Variants in GLIS3 observed in about 807,000 individuals in gnomAD.
The protein encoded by GLIS3 is GLIS family zinc finger 3.
GLIS3 carries 53 observed loss-of-function variants against 78.6 expected under a neutral mutation model. That is an observed-to-expected ratio of 0.67 (90% confidence interval 0.54 to 0.85). The LOEUF (loss-of-function observed/expected upper bound fraction) is 0.85, where lower values mean the gene tolerates loss of function less well. Among genes scored for constraint, GLIS3 ranks in the 40% least tolerant of loss-of-function variants. The pLI is 0.00. For missense variants in GLIS3, 1,703 were observed against 1,231.1 expected, an observed-to-expected ratio of 1.38 and a Z score of -5.74; for synonymous variants, 684 against 509.9, an observed-to-expected ratio of 1.34 and a Z score of -4.60.
At chr9:3,841,793 A>T (rs1006524978) in intron 9 of GLIS3, among the ~76,000 whole-genome samples, 8 of 152,200 alleles carry the variant, frequency 5.3e-5, no homozygotes, top group African/African-American at 1.9e-4. Context: ...AATAAACACG[A>T]AAGTATTTTG....
chr9:4,073,180 G>C (rs994865256), intron 4 of GLIS3, among the ~76,000 whole-genome samples: 2 of 152,260 alleles, frequency 1.3e-5, no homozygotes, highest in African/African-American at 4.8e-5. Context: ...GTATAGTAGA[G>C]ACAGAGATAC....
chr9:4,188,206 AG>A (rs1817988385), intron 2 of GLIS3, among the ~76,000 whole-genome samples: 1 of 151,646 alleles, frequency 6.6e-6, no homozygotes, highest in Non-Finnish European at 1.5e-5. Flanking sequence ...TTTAGCATGA[AG>A]GGTTGTTGAA....
chr9:3,853,609 G>A (rs901458258), intron 9 of GLIS3, among the ~76,000 whole-genome samples: 6 of 152,218 alleles, frequency 3.9e-5, no homozygotes, highest in Non-Finnish European at 5.9e-5. Flanking sequence ...AGAGAAGATA[G>A]ATGAAATGCC....
At chr9:4,456,727 C>T in the GLIS3 span, among the ~76,000 whole-genome samples, 63 of 152,268 alleles carry the variant, frequency 4.1e-4, no homozygotes, top group African/African-American at 1.5e-3. Context: ...TACTTATTGG[C>T]CTAACTTCAA....
At chr9:4,138,824 T>G (rs947235436) in intron 2 of GLIS3, among the ~76,000 whole-genome samples, 4 of 152,216 alleles carry the variant, frequency 2.6e-5, no homozygotes, top group African/African-American at 9.7e-5. Context: ...AAGTACTCTA[T>G]AAGCTGTAGG....
At chr9:4,298,037 C>T (rs1213772852) in intron 1 of GLIS3, among the ~76,000 whole-genome samples, 2 of 152,150 alleles carry the variant, frequency 1.3e-5, no homozygotes, top group African/African-American at 4.8e-5. Flanking sequence ...CCCTCGGCCC[C>T]GTGCGCGAGC....
chr9:4,244,465 T>C lies in GLIS3; in HGVS notation c.388+41573A>G, dbSNP rs183220627. ...AAAATGAGTACAAAAAGAAAGCAGG[T>C]TGTTTATTCTGAAAACTACATTGGA... is the stretch of plus-strand genomic sequence containing the variant. On this transcript the variant is annotated intron_variant, in intron 2 of 10. Transcript: ENST00000381971. Among the ~76,000 whole-genome samples the C allele has an allele frequency of 1.2e-3, 185 of 152,368 alleles. 1 individual carries two copies. Among genetic ancestry groups the C allele is most frequent in the Middle Eastern group, 6.8e-3 (2 of 294 alleles).
At chr9:4,298,858 C>G (rs886734411) in intron 1 of GLIS3, among the ~76,000 whole-genome samples, 1 of 152,122 alleles carries the variant, frequency 6.6e-6, no homozygotes, top group Non-Finnish European at 1.5e-5. Flanking sequence ...CATGGGGACA[C>G]CGGCTTGGAT....
chr9:4,019,266 C>G (rs1822678550), intron 4 of GLIS3, among the ~76,000 whole-genome samples: 1 of 152,130 alleles, frequency 6.6e-6, no homozygotes, highest in Admixed American at 6.5e-5. Context: ...TCACAATCAT[C>G]CTCGAGGATC....
At chr9:4,104,082 A>C (rs569603641) in intron 4 of GLIS3, among the ~76,000 whole-genome samples, 1 of 152,176 alleles carries the variant, frequency 6.6e-6, no homozygotes, top group Non-Finnish European at 1.5e-5. Flanking sequence ...TTCACTTTAA[A>C]TTAGGTAAGT....
intron 8 of GLIS3, among the ~76,000 whole-genome samples, chr9:3,862,611 G>A (rs548602150): frequency 6.6e-6 from 1 of 152,058 alleles, no homozygotes; most frequent in Non-Finnish European, 1.5e-5. Flanking sequence ...TGTACTGTAC[G>A]CACAAGCAGT....
intron 4 of GLIS3, chr9:4,054,319 A>C (rs1375684093): frequency 3.6e-5 from 35 of 984,994 alleles, no homozygotes; most frequent in Admixed American, 1.2e-4. Context: ...AGATGTTTCC[A>C]CAACTCCACA....
chr9:4,231,933 C>A (rs957909344), intron 2 of GLIS3, among the ~76,000 whole-genome samples: 1 of 152,136 alleles, frequency 6.6e-6, no homozygotes, highest in Non-Finnish European at 1.5e-5. Context: ...AAAGCCCCAC[C>A]CTCTGATCCA....
intron 6 of GLIS3, 27 bp from the exon 7 acceptor site, chr9:3,898,862 C>G: frequency 6.2e-7 from 1 of 1,613,250 alleles, no homozygotes; most frequent in Middle Eastern, 1.8e-4. Flanking sequence ...GAAGAGACAT[C>G]GATAAGGAGA....
chr9:4,032,708 G>C (rs1349186361), intron 4 of GLIS3, among the ~76,000 whole-genome samples: 7 of 152,116 alleles, frequency 4.6e-5, no homozygotes, highest in Admixed American at 2.6e-4. Flanking sequence ...CAAGTATATG[G>C]AAGCCCATAT....
intron 2 of GLIS3, chr9:4,145,034 G>C (rs934430861): frequency 6.6e-6 from 1 of 152,204 alleles, no homozygotes; most frequent in Admixed American, 6.5e-5. Context: ...CCATAGCGAA[G>C]TGAGCCCATT....
chr9:4,050,853 G>A lies in GLIS3; in HGVS notation c.1710+66915C>T, dbSNP rs559317944. Among the ~76,000 whole-genome samples the A allele has an allele frequency of 3.9e-5, 6 of 152,282 alleles. No homozygotes were observed. In the South Asian group the frequency reaches 6.2e-4, roughly 16 times the overall value. On this transcript the variant is annotated intron_variant, in intron 4 of 10. Coordinates refer to ENST00000381971, the MANE Select transcript of GLIS3 (RefSeq NM_001042413.2). The stretch of plus-strand genomic sequence containing the variant: ...CCATCAGAGATGGGCCTCCACGTAA[G>A]AGGAGATAAAAAGTGTAAGCCTTCA...
intron 4 of GLIS3, among the ~76,000 whole-genome samples, chr9:3,941,739 T>C (rs1815936874): frequency 6.6e-6 from 1 of 152,200 alleles, no homozygotes; most frequent in African/African-American, 2.4e-5. Flanking sequence ...AAGCCTCACT[T>C]TGAGAGAGAG....
At chr9:4,453,453 G>A in the GLIS3 span, among the ~76,000 whole-genome samples, 4 of 150,570 alleles carry the variant, frequency 2.7e-5, no homozygotes, top group Admixed American at 1.3e-4. Context: ...CTAATATCCA[G>A]AATCTACAAA....
Sources: gnomAD v4.1 joint callset for allele counts (sites outside exome capture counted in the v4.1 genomes callset) on GRCh38, gnomAD v4.1.1 for gene constraint, MANE v1.5 for transcripts, NCBI Gene and HGNC (gene_info 2026-07-23, HGNC 2026-07-21) for gene names.